The following CDK14 variants were observed in gnomAD, a reference collection of about 807,000 sequenced individuals.
The protein encoded by CDK14 is cyclin-dependent kinase 14.
A neutral mutation model predicts 60.7 loss-of-function variants in CDK14; 34 were observed. That is an observed-to-expected ratio of 0.56 (90% CI 0.43 to 0.75). The LOEUF (loss-of-function observed/expected upper bound fraction) is 0.75. Ranked by LOEUF, CDK14 falls within the 30% of genes least tolerant of loss-of-function variation. The probability of loss-of-function intolerance (pLI) is 0.00; values close to 1 mark genes in which losing one functional copy is unlikely to be tolerated. For synonymous variants in CDK14, 197 were observed against 203.7 expected (o/e 0.97, Z 0.28); for missense variants, 482 against 564.1 (o/e 0.85, Z 1.47).
chr7:91,023,744 GT>G (rs1299768935), intron 10 of CDK14, among the ~76,000 whole-genome samples: 1 of 152,012 alleles, frequency 6.6e-6, no homozygotes, highest in African/African-American at 2.4e-5. Context: ...AAGGAAAGTG[GT>G]TTTTTGTTTT....
intron 8 of CDK14, among the ~76,000 whole-genome samples, chr7:90,929,484 A>G (rs940461671): frequency 1.3e-5 from 2 of 152,206 alleles, no homozygotes; most frequent in East Asian, 3.8e-4. Context: ...AATGTTAACA[A>G]CTTTTTGTTG....
intron 8 of CDK14, among the ~76,000 whole-genome samples, chr7:90,930,928 A>G (rs1562832909): frequency 6.6e-6 from 1 of 152,200 alleles, no homozygotes; most frequent in Non-Finnish European, 1.5e-5. Flanking sequence ...GAGTCTTCAG[A>G]CTTGAAGGTA....
intron 2 of CDK14, among the ~76,000 whole-genome samples, chr7:90,635,248 A>G (rs947692119): frequency 2.0e-5 from 3 of 152,164 alleles, no homozygotes; most frequent in Admixed American, 1.3e-4. Flanking sequence ...GTTTTCTTCT[A>G]GGGTTTTTAT....
intron 10 of CDK14, among the ~76,000 whole-genome samples, chr7:90,993,239 TG>T (rs1795588014): frequency 1.3e-5 from 2 of 151,806 alleles, no homozygotes; most frequent in South Asian, 4.2e-4. Flanking sequence ...AAAGGGTGAG[TG>T]GGTAGTGAAG....
rs1805592021 is a variant in CDK14 at position 90,786,596 on chromosome 7, G to A, written c.465-3977G>A. Among the ~76,000 whole-genome samples the A allele has an allele frequency of 3.3e-5, 5 of 151,928 alleles. No homozygotes were observed. The South Asian group carries it at 1.0e-3, about 32-fold the overall frequency. ...ATTTTGTAAATGAGTTAGTAACTTAGACTGTCAAATATTTCAGGTCATATT... is the reference window on the plus strand; with the variant it reads ...ATTTTGTAAATGAGTTAGTAACTTAAACTGTCAAATATTTCAGGTCATATT... On this transcript the variant is annotated intron_variant, in intron 4 of 14. Coordinates refer to ENST00000380050, the MANE Select transcript of CDK14 (RefSeq NM_001287135.2).
At chr7:90,990,477 A>T (rs765262109) in intron 10 of CDK14, among the ~76,000 whole-genome samples, 2 of 152,188 alleles carry the variant, frequency 1.3e-5, no homozygotes, top group African/African-American at 2.4e-5. Flanking sequence ...GTACCTCTTA[A>T]TTTGTACTTG....
intron 2 of CDK14, among the ~76,000 whole-genome samples, chr7:90,701,912 C>T (rs1801795172): frequency 1.3e-5 from 2 of 152,106 alleles, no homozygotes; most frequent in East Asian, 1.9e-4. Flanking sequence ...CTGAGTTGAG[C>T]TTCTTTACAG....
chr7:90,926,099 G>C (rs1466719970), intron 8 of CDK14, among the ~76,000 whole-genome samples: 1 of 152,078 alleles, frequency 6.6e-6, no homozygotes, highest in Non-Finnish European at 1.5e-5. Context: ...AGTGTCTTTA[G>C]AGCCCCAGTG....
At position 91,103,294 on chromosome 7, in the gene CDK14, G is replaced by A. The variant is rs150779753; in HGVS notation, c.1155-9248G>A. 3.2e-3 allele frequency among the ~76,000 whole-genome samples: 489 copies of A among 150,614 alleles called. 1 individual carries two copies. Among genetic ancestry groups the A allele is most frequent in the Non-Finnish European group, 5.3e-3 (356 of 67,778 alleles). On this transcript the variant is annotated intron_variant, in intron 12 of 14. Coordinates refer to ENST00000380050, the MANE Select transcript of CDK14 (RefSeq NM_001287135.2). ...TGTCTTCCAGGAAGTAGCCCTCTTC[G>A]TCTTGCCACAACCAGTGGACCTCCT...
chr7:91,206,040 C>T (rs1343067852), intron 14 of CDK14, among the ~76,000 whole-genome samples: 8 of 152,090 alleles, frequency 5.3e-5, no homozygotes, highest in Admixed American at 6.5e-5. Context: ...GTGATCTGCC[C>T]GTCTCGGCCT....
At chr7:90,963,711 C>CTTTTTTTTTTTTTTTTTTTT (rs34156393) in intron 9 of CDK14, among the ~76,000 whole-genome samples, 3 of 123,080 alleles carry the variant, frequency 2.4e-5, no homozygotes, top group South Asian at 2.6e-4. Context: ...TTTTTCTTTT[C>CTTTTTTTTTTTTTTTTTTTT]TTTTTTTTTT....
At chr7:91,019,004 G>A (rs1482867398) in intron 10 of CDK14, among the ~76,000 whole-genome samples, 1 of 152,194 alleles carries the variant, frequency 6.6e-6, no homozygotes, top group East Asian at 1.9e-4. Context: ...TCACATTGGG[G>A]ATTAGGTTTT....
At chr7:90,987,004 G>T (rs79634783) in intron 10 of CDK14, among the ~76,000 whole-genome samples, 88 of 132,836 alleles carry the variant, frequency 6.6e-4, no homozygotes, top group African/African-American at 2.4e-3. Context: ...TAAAGGAAAA[G>T]AAATTGTTAT....
chr7:90,981,567 GAT>G (rs1184679369), intron 9 of CDK14, among the ~76,000 whole-genome samples: 3 of 152,104 alleles, frequency 2.0e-5, no homozygotes, highest in African/African-American at 7.2e-5. Flanking sequence ...ATACAATTGT[GAT>G]AACAACTGGA....
chr7:90,849,123 G>C (rs1431562250), intron 5 of CDK14, among the ~76,000 whole-genome samples: 1 of 152,104 alleles, frequency 6.6e-6, no homozygotes, highest in Non-Finnish European at 1.5e-5. Flanking sequence ...TTTGGGTCGT[G>C]GGGGCGGATC....
At chr7:90,988,997 T>A (rs1293574838) in intron 10 of CDK14, among the ~76,000 whole-genome samples, 2 of 61,772 alleles carry the variant, frequency 3.2e-5, no homozygotes, top group Non-Finnish European at 6.7e-5. Flanking sequence ...TGTGTTTGTG[T>A]GTGAGTGTGT....
intron 5 of CDK14, among the ~76,000 whole-genome samples, chr7:90,791,841 GT>G (rs1382108808): frequency 1.3e-5 from 2 of 151,134 alleles, no homozygotes; most frequent in African/African-American, 4.9e-5. Flanking sequence ...AAGTAGGTAG[GT>G]TTTTCTCTTA....
intron 9 of CDK14, among the ~76,000 whole-genome samples, chr7:90,957,150 A>G (rs1441789615): frequency 6.6e-6 from 1 of 151,272 alleles, no homozygotes; most frequent in Non-Finnish European, 1.5e-5. Flanking sequence ...TGGCTGGGTC[A>G]AATGGTATTT....
At chr7:90,653,171 T>G (rs1800680222) in intron 2 of CDK14, among the ~76,000 whole-genome samples, 1 of 151,984 alleles carries the variant, frequency 6.6e-6, no homozygotes, top group African/African-American at 2.4e-5. Flanking sequence ...TAGGTGTACT[T>G]ATACACTGTA....
Sources: allele counts gnomAD v4.1 joint callset (sites outside exome capture counted in the v4.1 genomes callset), GRCh38; gene constraint gnomAD v4.1.1; transcripts MANE v1.5; gene names NCBI Gene and HGNC (gene_info 2026-07-23, HGNC 2026-07-21).